ANO4: variants seen among roughly 807,000 people sequenced by gnomAD.
The protein encoded by ANO4 is anoctamin 4.
A neutral mutation model predicts 141.9 loss-of-function variants in ANO4; 69 were observed. That is an observed-to-expected ratio of 0.49 (90% CI 0.40 to 0.59). The LOEUF (loss-of-function observed/expected upper bound fraction) is 0.59. Ranked by LOEUF, ANO4 falls within the 20% of genes least tolerant of loss-of-function variation. ANO4 has a pLI of 0.00. For missense variants in ANO4, 894 were observed against 1,162.2 expected, an observed-to-expected ratio of 0.77 and a Z score of 3.36; for synonymous variants, 350 against 394.3, an observed-to-expected ratio of 0.89 and a Z score of 1.33.
intron 15 of ANO4, 40 bp from the exon 16 acceptor site, chr12:101,083,638 A>G (rs549096503): frequency 1.3e-6 from 2 of 1,567,952 alleles, no homozygotes; most frequent in South Asian, 1.2e-5. Context: ...TTGTGTGAGC[A>G]CCTCTTTAGT....
intron 8 of ANO4, among the ~76,000 whole-genome samples, chr12:101,004,660 A>T (rs1048817309): frequency 3.3e-5 from 5 of 152,186 alleles, no homozygotes; most frequent in Admixed American, 2.0e-4. Flanking sequence ...AATAGACAGC[A>T]CACTCCCTAA....
chr12:100,796,829 T>G (rs1305449465), intron 1 of ANO4, among the ~76,000 whole-genome samples: 3 of 152,138 alleles, frequency 2.0e-5, no homozygotes, highest in Admixed American at 6.5e-5. Context: ...GTTCTTACTT[T>G]GCTTAATCTT....
chr12:101,064,588 C>T (rs1316467135), intron 14 of ANO4, among the ~76,000 whole-genome samples: 1 of 151,764 alleles, frequency 6.6e-6, no homozygotes, highest in Non-Finnish European at 1.5e-5. Context: ...TTGGGTGCAA[C>T]AAACCACCAT....
chr12:100,889,049 G>A, intron 1 of ANO4, among the ~76,000 whole-genome samples: 1 of 114,306 alleles, frequency 8.7e-6, no homozygotes, highest in Non-Finnish European at 1.7e-5. Flanking sequence ...CCCCACAACA[G>A]TCCCCAGAGT....
intron 3 of ANO4, among the ~76,000 whole-genome samples, chr12:100,741,443 A>G (rs529647155): frequency 6.6e-6 from 1 of 152,192 alleles, no homozygotes; most frequent in South Asian, 2.1e-4. Context: ...GTCTTACCCC[A>G]GGGGATGCTG....
intron 14 of ANO4, among the ~76,000 whole-genome samples, chr12:101,052,309 A>G (rs941373459): frequency 1.3e-5 from 2 of 152,126 alleles, no homozygotes; most frequent in Admixed American, 6.6e-5. Flanking sequence ...AGTGTGGCTC[A>G]TTCCTCAATG....
upstream of ANO4, among the ~76,000 whole-genome samples, chr12:100,790,147 G>A (rs1044177071): frequency 3.9e-5 from 6 of 152,180 alleles, no homozygotes; most frequent in Non-Finnish European, 5.9e-5. Context: ...TACACTCTCT[G>A]TGGGGAATAG....
At position 101,083,798 on chromosome 12, in the gene ANO4, G is replaced by T; in HGVS notation, c.1516G>T (p.Ala506Ser). 1.3e-6 allele frequency: 2 copies of T among 1,566,506 alleles called. No homozygotes were observed. The highest frequency in any genetic ancestry group is 1.7e-6 in the Non-Finnish European group (2 of 1,166,518). ...TAAATGCAGCAGACTTATCGTTTCT[G>T]CATCTGGAATATTTTTTATGGTTTG... ...TDKCSRLIVSASGIFFMICVV... is the reference protein window; with the variant it reads ...TDKCSRLIVSSSGIFFMICVV... Residue 506 changes from alanine (A) to serine (S), a missense_variant, in exon 16 of 28, where the codon GCA (alanine) becomes TCA (serine). Coordinates refer to ENST00000392977, the MANE Select transcript of ANO4 (RefSeq NM_001286615.2).
At chr12:100,784,271 A>G (rs1452336467) in intron 3 of ANO4, among the ~76,000 whole-genome samples, 6 of 151,392 alleles carry the variant, frequency 4.0e-5, no homozygotes, top group Non-Finnish European at 7.4e-5. Context: ...GAATCCTCCT[A>G]CTCTTTCTCT....
intron 3 of ANO4, among the ~76,000 whole-genome samples, chr12:100,931,646 A>G (rs2042091650): frequency 6.6e-6 from 1 of 152,164 alleles, no homozygotes; most frequent in Non-Finnish European, 1.5e-5. Flanking sequence ...GCTGTCAGTA[A>G]ACTGTAATTC....
chr12:100,750,024 A>C (rs1227706620), intron 3 of ANO4, among the ~76,000 whole-genome samples: 2 of 152,204 alleles, frequency 1.3e-5, no homozygotes, highest in Admixed American at 6.5e-5. Context: ...AGTGATTCTC[A>C]AACTTTAGTG....
chr12:100,743,815 G>T (rs1277637195), intron 3 of ANO4, among the ~76,000 whole-genome samples: 1 of 152,126 alleles, frequency 6.6e-6, no homozygotes, highest in African/African-American at 2.4e-5. Context: ...AATCACCCAG[G>T]TAGTGAGCAC....
At chr12:101,090,836 G>A (rs2049740356) in intron 17 of ANO4, among the ~76,000 whole-genome samples, 1 of 152,122 alleles carries the variant, frequency 6.6e-6, no homozygotes, top group Non-Finnish European at 1.5e-5. Flanking sequence ...AGTGTTGTCA[G>A]AGTAAAACAC....
intron 1 of ANO4, among the ~76,000 whole-genome samples, chr12:100,838,527 T>G (rs2135800656): frequency 6.6e-6 from 1 of 152,298 alleles, no homozygotes; most frequent in South Asian, 2.1e-4. Flanking sequence ...GGAAAGAGAT[T>G]ACAGCTGAAT....
At chr12:100,877,473 G>T (rs1593605056) in intron 1 of ANO4, among the ~76,000 whole-genome samples, 1 of 151,040 alleles carries the variant, frequency 6.6e-6, no homozygotes, top group East Asian at 1.9e-4. Context: ...GTTCCAGAAG[G>T]TTGGCAATTT....
At chr12:101,029,074 C>T (rs557267442) in intron 9 of ANO4, among the ~76,000 whole-genome samples, 4 of 152,210 alleles carry the variant, frequency 2.6e-5, no homozygotes, top group Non-Finnish European at 4.4e-5. Context: ...TTATATCCAG[C>T]CAAACTAAGC....
At chr12:100,843,422 C>T (rs562459109) in intron 1 of ANO4, among the ~76,000 whole-genome samples, 1 of 152,252 alleles carries the variant, frequency 6.6e-6, no homozygotes, top group East Asian at 1.9e-4. Context: ...AAATATCCTT[C>T]ACACCTTCTG....
chr12:100,833,453 C>G (rs1457512573), intron 1 of ANO4, among the ~76,000 whole-genome samples: 2 of 152,122 alleles, frequency 1.3e-5, no homozygotes, highest in Non-Finnish European at 2.9e-5. Context: ...AGCCTCACTT[C>G]CATTCCTGAG....
At chr12:101,069,513 G>A (rs629585) in intron 14 of ANO4, among the ~76,000 whole-genome samples, 104,962 of 152,008 alleles carry the variant, frequency 0.69, 37,071 homozygotes, top group East Asian at 0.89. Flanking sequence ...GTTACTAAGA[G>A]AGGATGTAGG....
Sources: allele counts gnomAD v4.1 joint callset (sites outside exome capture counted in the v4.1 genomes callset), GRCh38; gene constraint gnomAD v4.1.1; transcripts MANE v1.5; gene names NCBI Gene and HGNC (gene_info 2026-07-23, HGNC 2026-07-21).